Variants in TEK observed in about 807,000 individuals in gnomAD.
TEK encodes the protein angiopoietin-1 receptor.
Under a neutral mutation model 131.8 loss-of-function variants are expected in TEK, and 43 were observed. That is an observed-to-expected ratio of 0.33 (90% CI 0.26 to 0.42). The LOEUF (loss-of-function observed/expected upper bound fraction) is 0.42, where lower values mean the gene tolerates loss of function less well. Among genes scored for constraint, TEK ranks in the 10% least tolerant of loss-of-function variants. The probability of loss-of-function intolerance (pLI) is 1.00; values close to 1 mark genes in which losing one functional copy is unlikely to be tolerated. For missense variants in TEK, 1,162 were observed against 1,384.4 expected (o/e 0.84, Z 2.55); for synonymous variants, 580 against 491.6 (o/e 1.18, Z -2.38).
intron 19 of TEK, 141 bp from the exon 20 acceptor site, chr9:27,218,636 G>C: frequency 1.2e-6 from 1 of 809,226 alleles, no homozygotes; most frequent in Non-Finnish European, 2.1e-6. Context: ...AACCTACACT[G>C]TGTGCAAGGG....
intron 20 of TEK, among the ~76,000 whole-genome samples, chr9:27,219,798 G>GA (rs955477299): frequency 2.0e-5 from 3 of 151,918 alleles, no homozygotes; most frequent in African/African-American, 7.2e-5. Flanking sequence ...TTTGTGTGGG[G>GA]AGACTTAGAA....
intron 21 of TEK, among the ~76,000 whole-genome samples, chr9:27,224,021 T>C (rs1162136249): frequency 6.6e-6 from 1 of 152,136 alleles, no homozygotes; most frequent in African/African-American, 2.4e-5. Flanking sequence ...AAGAAATGGA[T>C]AAATTCATGG....
chr9:27,229,062 G>A (rs139383348), intron 22 of TEK, 96 bp from the exon 23 acceptor site: 13 of 1,041,486 alleles, frequency 1.2e-5, no homozygotes, highest in Admixed American at 5.1e-5. Context: ...TATATGAGTT[G>A]CAACAAACTA....
chr9:27,224,620 G>A (rs11515104), intron 21 of TEK, among the ~76,000 whole-genome samples: 21,610 of 152,086 alleles, frequency 0.14, 1,867 homozygotes, highest in Admixed American at 0.22. Context: ...AATATTAAGA[G>A]CTGTTTATGA....
intron 6 of TEK, among the ~76,000 whole-genome samples, chr9:27,176,085 A>G (rs1430986023): frequency 6.6e-6 from 1 of 152,216 alleles, no homozygotes; most frequent in African/African-American, 2.4e-5. Context: ...TTCAACAATT[A>G]CTATCCTGTT....
At position 27,216,406 on chromosome 9, in the gene TEK, A is replaced by G. The variant is rs912833486; in HGVS notation, c.2992-1282A>G. On this transcript the variant is annotated intron_variant, in intron 18 of 22. Transcript: ENST00000380036. ...AAAATAAATGAAAAAGTGCACAAGG[A>G]ACTTAACAATTAGGAGGTGTGAGGT... Among the ~76,000 whole-genome samples the G allele has an allele frequency of 6.6e-5, 10 of 152,126 alleles. No homozygotes were observed. In the South Asian group the frequency reaches 2.1e-3, roughly 32 times the overall value.
At chr9:27,161,591 A>T (rs891528558) in intron 2 of TEK, among the ~76,000 whole-genome samples, 1 of 152,212 alleles carries the variant, frequency 6.6e-6, no homozygotes, top group Admixed American at 6.5e-5. Context: ...TACCCTTTGG[A>T]TATCATTCTC....
intron 1 of TEK, among the ~76,000 whole-genome samples, chr9:27,144,205 C>A (rs1822832180): frequency 6.6e-6 from 1 of 152,106 alleles, no homozygotes; most frequent in Admixed American, 6.6e-5. Flanking sequence ...TCGCTTGAAC[C>A]CAGGAGGCAG....
At chr9:27,177,101 C>T (rs1334195913) in intron 6 of TEK, among the ~76,000 whole-genome samples, 2 of 152,104 alleles carry the variant, frequency 1.3e-5, no homozygotes, top group African/African-American at 2.4e-5. Context: ...CATGGATGGA[C>T]GAATGGTCAA....
At chr9:27,201,547 G>T (rs1825213779) in intron 12 of TEK, among the ~76,000 whole-genome samples, 1 of 152,112 alleles carries the variant, frequency 6.6e-6, no homozygotes, top group Non-Finnish European at 1.5e-5. Flanking sequence ...ACATACTGTT[G>T]ATTAATTGTG....
chr9:27,222,515 C>T (rs967024342), intron 21 of TEK, among the ~76,000 whole-genome samples: 1 of 152,168 alleles, frequency 6.6e-6, no homozygotes, highest in African/African-American at 2.4e-5. Flanking sequence ...CAGTAGACCT[C>T]TCTGTAGAAA....
chr9:27,152,009 A>G (rs983734346), intron 1 of TEK, among the ~76,000 whole-genome samples: 4 of 152,222 alleles, frequency 2.6e-5, no homozygotes, highest in Non-Finnish European at 5.9e-5. Context: ...TTTTCAGTTC[A>G]TTGCCAGTTC....
chr9:27,123,634 T>C (rs1821882321), intron 1 of TEK, among the ~76,000 whole-genome samples: 1 of 152,218 alleles, frequency 6.6e-6, no homozygotes, highest in South Asian at 2.1e-4. Flanking sequence ...TTTATTGTTT[T>C]TGAGTATCAC....
At chr9:27,197,622 G>T (rs1825077365) in intron 12 of TEK, 23 bp downstream of exon 12, 1 of 1,613,294 alleles carries the variant, frequency 6.2e-7, no homozygotes, top group Non-Finnish European at 8.5e-7. Context: ...TGCTGCTCCA[G>T]CCTCATCTGA....
rs769646053 is a variant in TEK at position 27,162,111 on chromosome 9, A to C, written c.364+3969A>C. On this transcript the variant is annotated intron_variant, in intron 2 of 22. Coordinates refer to ENST00000380036, the MANE Select transcript of TEK (RefSeq NM_000459.5). ...TCTTGCTGACCATCCAGTGGGGGAAATCTGGTTTGAGGAAAGTGAAATCCT... is the reference window on the plus strand; with the variant it reads ...TCTTGCTGACCATCCAGTGGGGGAACTCTGGTTTGAGGAAAGTGAAATCCT... 5.9e-5 allele frequency among the ~76,000 whole-genome samples: 9 copies of C among 152,344 alleles called. No homozygotes were observed. The East Asian group carries it at 1.7e-3, about 29-fold the overall frequency.
intron 1 of TEK, among the ~76,000 whole-genome samples, chr9:27,120,434 C>T (rs1821741616): frequency 6.6e-6 from 1 of 152,364 alleles, no homozygotes; most frequent in South Asian, 2.1e-4. Flanking sequence ...CTGCCTTAGC[C>T]TGAGGCGAAA....
At chr9:27,198,751 A>G (rs1825114519) in intron 12 of TEK, among the ~76,000 whole-genome samples, 1 of 152,188 alleles carries the variant, frequency 6.6e-6, no homozygotes, top group Non-Finnish European at 1.5e-5. Flanking sequence ...CCCTCTCCCA[A>G]GAGACAACCA....
rs1332508253 is a variant in TEK, at chr9:27,175,390, T to A, written c.901+2028T>A. Among the ~76,000 whole-genome samples the A allele has an allele frequency of 3.3e-5, 5 of 151,192 alleles. 1 individual carries two copies. Among genetic ancestry groups the A allele is most frequent in the African/African-American group, 1.2e-4 (5 of 41,142 alleles). On this transcript the variant is annotated intron_variant, in intron 6 of 22. Coordinates refer to ENST00000380036, the MANE Select transcript of TEK (RefSeq NM_000459.5). ...ATTTTCTTAATCCAGTCTATCATTGTTGGACATTTGGGTTGGTTCCAAGTC... is the reference window on the plus strand; with the variant it reads ...ATTTTCTTAATCCAGTCTATCATTGATGGACATTTGGGTTGGTTCCAAGTC...
At chr9:27,138,167 T>C (rs1196879855) in intron 1 of TEK, among the ~76,000 whole-genome samples, 4 of 152,024 alleles carry the variant, frequency 2.6e-5, no homozygotes, top group Non-Finnish European at 5.9e-5. Flanking sequence ...ACCCAAAGAG[T>C]GAGCAGCAGC....
Sources: gnomAD v4.1 joint callset for allele counts (sites outside exome capture counted in the v4.1 genomes callset) on GRCh38, gnomAD v4.1.1 for gene constraint, MANE v1.5 for transcripts, NCBI Gene and HGNC (gene_info 2026-07-23, HGNC 2026-07-21) for gene names.